The following SMIM10L3 variants were observed in gnomAD, a reference collection of about 807,000 sequenced individuals.
The protein encoded by SMIM10L3 is small integral membrane protein 10 like 3.
At chr7:6,346,409 C>T in the SMIM10L3 span, among the ~76,000 whole-genome samples, 1 of 152,190 alleles carries the variant, frequency 6.6e-6, no homozygotes, top group Non-Finnish European at 1.5e-5. Context: ...TACTGTCGCC[C>T]AGGCTGGAGT....
chr7:6,343,165 T>G, the SMIM10L3 span, among the ~76,000 whole-genome samples: 8 of 151,126 alleles, frequency 5.3e-5, no homozygotes, highest in Admixed American at 6.6e-5. Context: ...TCCCCTGAGG[T>G]CAGGAGTTCA....
chr7:6,338,911 C>T, the SMIM10L3 span, among the ~76,000 whole-genome samples: 4,796 of 152,220 alleles, frequency 0.032, 117 homozygotes, highest in African/African-American at 0.059. Context: ...GAGGGACTGC[C>T]GCACGCAAGG....
At chr7:6,344,615 C>T in the SMIM10L3 span, among the ~76,000 whole-genome samples, 4 of 152,146 alleles carry the variant, frequency 2.6e-5, no homozygotes, top group Admixed American at 6.6e-5. Flanking sequence ...GACGGAGTTT[C>T]GCCCTGTTGC....
At chr7:6,331,067 G>A in the SMIM10L3 span, 2 of 1,613,706 alleles carry the variant, frequency 1.2e-6, no homozygotes, top group Non-Finnish European at 1.7e-6. Context: ...CTTTTCTTAA[G>A]GCTGCATGAT....
At chr7:6,348,941 G>T in the SMIM10L3 span, 2 of 380,286 alleles carry the variant, frequency 5.3e-6, no homozygotes, top group Non-Finnish European at 9.3e-6. Context: ...GCGAGCAGCC[G>T]CCTGTACCAG....
the SMIM10L3 span, among the ~76,000 whole-genome samples, chr7:6,333,238 G>T: frequency 1.3e-5 from 2 of 151,964 alleles, no homozygotes; most frequent in African/African-American, 4.8e-5. Context: ...ATTAGAGGCT[G>T]AAGGAGAAAG....
At chr7:6,341,673 G>A in the SMIM10L3 span, among the ~76,000 whole-genome samples, 3 of 147,512 alleles carry the variant, frequency 2.0e-5, no homozygotes, top group Middle Eastern at 7.0e-3. Context: ...CTGGGCCACA[G>A]AGCAAGACTC....
the SMIM10L3 span, chr7:6,331,370 T>A: frequency 3.3e-6 from 2 of 607,436 alleles, no homozygotes; most frequent in African/African-American, 1.8e-5. Flanking sequence ...ACCATATTGG[T>A]AAGGCTGGTT....
chr7:6,330,450 T>C, the SMIM10L3 span: 4 of 1,614,208 alleles, frequency 2.5e-6, no homozygotes, highest in Non-Finnish European at 3.4e-6. Context: ...GCAGACCATC[T>C]GAGGTGCTTT....
chr7:6,347,102 G>A, the SMIM10L3 span, among the ~76,000 whole-genome samples: 1 of 152,154 alleles, frequency 6.6e-6, no homozygotes, highest in Non-Finnish European at 1.5e-5. Context: ...CAAGGCAGGA[G>A]GATCACTTGA....
the SMIM10L3 span, among the ~76,000 whole-genome samples, chr7:6,344,166 G>C: frequency 5.3e-5 from 8 of 150,666 alleles, no homozygotes; most frequent in Non-Finnish European, 1.2e-4. Context: ...AAAAAAAGGC[G>C]TGGGGCTGTC....
the SMIM10L3 span, chr7:6,329,749 G>T: frequency 6.0e-6 from 1 of 166,034 alleles, no homozygotes; most frequent in Non-Finnish European, 1.5e-5. Context: ...GCTCATTTTT[G>T]TTTAAGGTAA....
the SMIM10L3 span, among the ~76,000 whole-genome samples, chr7:6,339,611 G>A: frequency 6.6e-6 from 1 of 151,862 alleles, no homozygotes; most frequent in Non-Finnish European, 1.5e-5. Flanking sequence ...AGCCTCCGGA[G>A]TAGCTGGGAC....
the SMIM10L3 span, chr7:6,338,761 C>T: frequency 6.6e-6 from 1 of 152,380 alleles, no homozygotes; most frequent in Non-Finnish European, 1.5e-5. Context: ...CCAAGCTATT[C>T]CTGGCCTCCA....
chr7:6,345,968 C>T, the SMIM10L3 span, among the ~76,000 whole-genome samples: 101 of 151,994 alleles, frequency 6.6e-4, 1 homozygote, highest in African/African-American at 2.3e-3. Flanking sequence ...GGGGTTTTGC[C>T]ATATTGTCCA....
chr7:6,347,331 ATGG>A, the SMIM10L3 span, among the ~76,000 whole-genome samples: 2 of 152,156 alleles, frequency 1.3e-5, no homozygotes, highest in African/African-American at 4.8e-5. Context: ...CCTGGCCAAC[ATGG>A]TGAAAACCCA....
the SMIM10L3 span, chr7:6,329,560 G>T: frequency 1.3e-5 from 2 of 154,160 alleles, no homozygotes; most frequent in Admixed American, 1.3e-4. Flanking sequence ...TTTCACTTTG[G>T]GAGTCTTTAA....
chr7:6,334,562 G>A, the SMIM10L3 span, among the ~76,000 whole-genome samples: 1 of 151,876 alleles, frequency 6.6e-6, no homozygotes, highest in Non-Finnish European at 1.5e-5. Context: ...CTGCCTCCTG[G>A]GTTCAACAAT....
At chr7:6,347,153 C>T in the SMIM10L3 span, among the ~76,000 whole-genome samples, 1 of 152,022 alleles carries the variant, frequency 6.6e-6, no homozygotes, top group Admixed American at 6.6e-5. Context: ...ATGGGAAGAC[C>T]CTGTCTCTAC....
Sources: gnomAD v4.1 joint callset for allele counts (sites outside exome capture counted in the v4.1 genomes callset) on GRCh38, gnomAD v4.1.1 for gene constraint, MANE v1.5 for transcripts, NCBI Gene and HGNC (gene_info 2026-07-23, HGNC 2026-07-21) for gene names.